The following MARCKS variants were observed in gnomAD, a reference collection of about 807,000 sequenced individuals.
The protein encoded by MARCKS is myristoylated alanine-rich C-kinase substrate.
Under a neutral mutation model 6.3 loss-of-function variants are expected in MARCKS, and 4 were observed. The ratio of observed to expected loss-of-function variants is 0.63; its 90% CI spans 0.31 to 1.45. MARCKS has a LOEUF of 1.45. Ranked by LOEUF, MARCKS falls within the 40% of genes most tolerant of loss-of-function variation. The pLI, the probability that MARCKS is intolerant of heterozygous loss-of-function variation, is 0.07. For missense variants in MARCKS, 636 were observed against 485.7 expected (o/e 1.31, Z -2.91); for synonymous variants, 289 against 236.5 (o/e 1.22, Z -2.04).
At position 113,859,638 on chromosome 6, in the gene MARCKS, C is replaced by T. The variant is rs763643494; in HGVS notation, c.103-45C>T. On this transcript the variant is annotated intron_variant, in intron 1 of 1. Coordinates refer to ENST00000612661, the MANE Select transcript of MARCKS (RefSeq NM_002356.7). ...CCAGGGCTGGGGGCGGGAATGGCGG[C>T]GCCCCGGCCGCTTCAGTGACGCTCC... 1.5e-5 allele frequency: 22 copies of T among 1,426,288 alleles called. No individual in the cohort carries two copies. The South Asian group carries it at 2.9e-4, about 19-fold the overall frequency. 88.4% of individuals were successfully genotyped at this position (1,426,288 alleles called of 1,614,324 possible). A position where few individuals can be genotyped will look rare whatever the true frequency, so the allele number is the denominator to read the frequency against.
In MARCKS at chr6:113,860,451, C is replaced by G; in HGVS notation, c.871C>G (p.Pro291Ala). 7.8e-7 allele frequency: 1 copy of G among 1,282,958 alleles called. No individual in the cohort carries two copies. The highest frequency in any genetic ancestry group is 1.6e-5 in the African/African-American group (1 of 63,098). The allele number at this position is 1,282,958 out of a possible 1,614,324, so 79.5% of individuals were successfully genotyped here. Residue 291 changes from proline (P) to alanine (A), a missense_variant, in exon 2 of 2, where the codon CCG becomes GCG. Coordinates refer to ENST00000612661, the MANE Select transcript of MARCKS (RefSeq NM_002356.7). ...APSAAGPGAP[P>A]EQEAAPAEEP... ...CTCCGCCGCCGGGCCCGGCGCGCCC[C>G]CGGAGCAGGAGGCAGCCCCCGCGGA...
In MARCKS at chr6:113,860,875, T is replaced by C. The variant is rs1156962466; in HGVS notation, c.*296T>C. 5.5e-6 allele frequency: 1 copy of C among 182,070 alleles called. No homozygotes were observed. Among genetic ancestry groups the C allele is most frequent in the African/African-American group, 2.4e-5 (1 of 42,390 alleles). 11.3% of individuals were successfully genotyped at this position (182,070 alleles called of 1,614,324 possible). ...TTTATTTTTTATTTTTTCGCATCAG[T>C]ATTAATGTTTTTGCATACTTTGCAT... On this transcript the variant is annotated 3_prime_UTR_variant, in exon 2 of 2. Transcript: ENST00000612661.
intron 1 of MARCKS, among the ~76,000 whole-genome samples, chr6:113,859,157 C>T (rs1774835872): frequency 6.6e-6 from 1 of 152,172 alleles, no homozygotes. Flanking sequence ...TCGGAGGGCC[C>T]CGCGCGGGCG....
chr6:113,858,973 C>T (rs1774831729), intron 1 of MARCKS, among the ~76,000 whole-genome samples: 1 of 152,184 alleles, frequency 6.6e-6, no homozygotes, highest in South Asian at 2.1e-4. Context: ...TGTTTGCGGA[C>T]TGTTGGGCTG....
At chr6:113,859,326 T>C (rs1370464945) in intron 1 of MARCKS, among the ~76,000 whole-genome samples, 2 of 152,246 alleles carry the variant, frequency 1.3e-5, no homozygotes, top group African/African-American at 4.8e-5. Flanking sequence ...AACTAGTCCC[T>C]GGCACCTTTT....
rs368658348 is a variant in MARCKS, at chr6:113,859,594, G to A, written c.103-89G>A. ...TCGATGGCCACAGGGGCCTTAGGGGGAAGCGGGGCACTCCCGGTCCAGGGC... is the reference window on the plus strand; with the variant it reads ...TCGATGGCCACAGGGGCCTTAGGGGAAAGCGGGGCACTCCCGGTCCAGGGC... On this transcript the variant is annotated intron_variant, in intron 1 of 1. Transcript: ENST00000612661. 11 of 1,195,126 alleles carry A rather than the reference G, an allele frequency of 9.2e-6. 1 individual carries two copies. The East Asian group carries it at 1.0e-4, about 11-fold the overall frequency. 74.0% of individuals were successfully genotyped at this position (1,195,126 alleles called of 1,614,324 possible).
rs1247569246 is a variant in MARCKS, at chr6:113,859,781, C to T, written c.201C>T (p.Ala67=). 5 of 1,440,838 alleles carry T rather than the reference C, an allele frequency of 3.5e-6. No homozygotes were observed. In the African/African-American group the frequency reaches 7.5e-5, roughly 22 times the overall value. The allele number at this position is 1,440,838 out of a possible 1,614,324, so 89.3% of individuals were successfully genotyped here. A position where few individuals can be genotyped will look rare whatever the true frequency, so the allele number is the denominator to read the frequency against. The change falls in exon 2 of 2, where the codon GCC becomes GCT. Residue 67 remains alanine (A), a synonymous_variant. Coordinates refer to ENST00000612661, the MANE Select transcript of MARCKS (RefSeq NM_002356.7). ...AGGCCAACGGCAGCGCCCCGGCCGCCGACAAGGAGGAGCCCGCGGCCGCCG... is the reference window on the plus strand; with the variant it reads ...AGGCCAACGGCAGCGCCCCGGCCGCTGACAAGGAGGAGCCCGCGGCCGCCG... The part of the protein sequence containing the change: ...ELQANGSAPA[A]DKEEPAAAGS...
In MARCKS at chr6:113,860,288, G is replaced by A; in HGVS notation, c.708G>A (p.Glu236=). 2.4e-6 allele frequency: 3 copies of A among 1,251,392 alleles called. No individual in the cohort carries two copies. The highest frequency in any genetic ancestry group is 3.1e-6 in the Non-Finnish European group (3 of 973,162). 77.5% of individuals were successfully genotyped at this position (1,251,392 alleles called of 1,614,324 possible). Residue 236 remains glutamate (E), a synonymous_variant, in exon 2 of 2, where the codon GAG becomes GAA. Transcript: ENST00000612661. ...EEGAAGGDPQ[E]AKPQEAAVAP... is the part of the protein sequence containing the mutation. ...GGGCGGCGGGTGGCGACCCGCAGGA[G>A]GCCAAGCCCCAGGAGGCCGCTGTCG...
Position 113,857,785 on chromosome 6 carries a change from G to A in MARCKS, c.40G>A (p.Ala14Thr), listed in dbSNP as rs1334832039. ...QFSKTAAKGE[A>T]AAERPGEAAV... ...CTCCAAGACCGCAGCGAAGGGAGAAGCCGCCGCGGAGAGGCCTGGGGAGGC... is the reference window on the plus strand; with the variant it reads ...CTCCAAGACCGCAGCGAAGGGAGAAACCGCCGCGGAGAGGCCTGGGGAGGC... The change falls in exon 1 of 2, where the codon GCC (alanine) becomes ACC (threonine). Residue 14 changes from alanine (A) to threonine (T), a missense_variant. Physicochemically the swap from Ala to Thr is moderately conservative, Grantham distance 58. Coordinates refer to ENST00000612661, the MANE Select transcript of MARCKS (RefSeq NM_002356.7). The A allele has an allele frequency of 6.2e-7, 1 of 1,609,414 alleles. No individual in the cohort carries two copies. Among genetic ancestry groups the A allele is most frequent in the African/African-American group, 1.3e-5 (1 of 74,836 alleles).
rs769611262 is a variant in MARCKS, at chr6:113,860,104, A to G, written c.524A>G (p.Lys175Arg). ...KLSGFSFKKN[K>R]KEAGEGGEAE... Reference sequence around the variant, plus strand: ...AGCGGCTTCTCCTTCAAGAAGAACAAGAAGGAGGCTGGAGAAGGCGGTGAG... The same window carrying G: ...AGCGGCTTCTCCTTCAAGAAGAACAGGAAGGAGGCTGGAGAAGGCGGTGAG... The change falls in exon 2 of 2, where the codon AAG (lysine) becomes AGG (arginine). Residue 175 changes from lysine (K) to arginine (R), a missense_variant. Physicochemically the swap from Lys to Arg is conservative, Grantham distance 26 (BLOSUM62 2). Transcript: ENST00000612661. The G allele has an allele frequency of 2.4e-5, 38 of 1,559,848 alleles. No individual in the cohort carries two copies. The highest frequency in any genetic ancestry group is 3.2e-5 in the Non-Finnish European group (37 of 1,152,730).
intron 1 of MARCKS, among the ~76,000 whole-genome samples, chr6:113,858,175 G>T (rs1304722400): frequency 6.6e-6 from 1 of 152,094 alleles, no homozygotes; most frequent in Non-Finnish European, 1.5e-5. Context: ...TTTGTGTTTG[G>T]GGGCACAATG....
Position 113,859,863 on chromosome 6 carries a change from G to GC in MARCKS, c.288dup (p.Glu97ArgfsTer87). On this transcript the variant is annotated frameshift_variant, in exon 2 of 2. Coordinates refer to ENST00000612661, the MANE Select transcript of MARCKS (RefSeq NM_002356.7). LOFTEE classifies it low-confidence loss of function (END_TRUNC). ...GAAAGGTGAGCCGGCCGCCGCCGCT[G>GC]CCCCCGAGGCCGGGGCCAGCCCGGT... 1 of 1,328,686 alleles carries GC rather than the reference G, an allele frequency of 7.5e-7. No individual in the cohort carries two copies. Among genetic ancestry groups the GC allele is most frequent in the Non-Finnish European group, 9.6e-7 (1 of 1,041,376 alleles). 82.3% of individuals were successfully genotyped at this position (1,328,686 alleles called of 1,614,324 possible).
rs745514148 is a variant in MARCKS at position 113,860,534 on chromosome 6, G to C, written c.954G>C (p.Gln318His). Residue 318 changes from glutamine to histidine, a missense_variant, in exon 2 of 2, where the codon CAG becomes CAC. Gln to His is a conservative substitution (Grantham distance 24, BLOSUM62 0). Transcript: ENST00000612661. ...SACAAPSQEAQPECSPEAPPA... is the reference protein window; with the variant it reads ...SACAAPSQEAHPECSPEAPPA... ...GCGCAGCCCCCTCACAGGAGGCCCA[G>C]CCCGAGTGCAGTCCAGAAGCCCCCC... is the stretch of plus-strand genomic sequence containing the variant. The C allele has an allele frequency of 2.3e-5, 36 of 1,560,584 alleles. No individual in the cohort carries two copies. The highest frequency in any genetic ancestry group is 3.0e-5 in the Non-Finnish European group (35 of 1,157,690).
chr6:113,859,617 G>C, intron 1 of MARCKS, 66 bp from the exon 2 acceptor site: 7 of 1,376,212 alleles, frequency 5.1e-6, no homozygotes, highest in Non-Finnish European at 6.7e-6. Flanking sequence ...CCCGGTCCAG[G>C]GCTGGGGGCG....
chr6:113,857,646 C>T lies in MARCKS; in HGVS notation c.-100C>T. 1 of 571,838 alleles carries T rather than the reference C, an allele frequency of 1.7e-6. No homozygotes were observed. The highest frequency in any genetic ancestry group is 2.8e-6 in the Non-Finnish European group (1 of 356,796). 35.4% of individuals were successfully genotyped at this position (571,838 alleles called of 1,614,324 possible). On this transcript the variant is annotated 5_prime_UTR_variant, in exon 1 of 2. Coordinates refer to ENST00000612661, the MANE Select transcript of MARCKS (RefSeq NM_002356.7). ...GTGTGTGTGCCGCTGCCGCTGTTGC[C>T]GCCGCCGCTGCTGCTGCTGCTCGCC...
intron 1 of MARCKS, 71 bp from the exon 2 acceptor site, chr6:113,859,612 T>C: frequency 7.5e-7 from 1 of 1,334,916 alleles, no homozygotes. Context: ...GCACTCCCGG[T>C]CCAGGGCTGG....
At chr6:113,857,898 C>T in intron 1 of MARCKS, 51 bp downstream of exon 1, 1 of 1,438,670 alleles carries the variant, frequency 7.0e-7, no homozygotes, top group South Asian at 1.2e-5. Flanking sequence ...TTCTCTCCTT[C>T]CCTCCTGGTG....
rs1774872728 is a variant in MARCKS at position 113,860,311 on chromosome 6, T to A, written c.731T>A (p.Val244Asp). ...GAGGCCAAGCCCCAGGAGGCCGCTGTCGCGCCAGAGAAGCCGCCCGCCAGC... is the reference window on the plus strand; with the variant it reads ...GAGGCCAAGCCCCAGGAGGCCGCTGACGCGCCAGAGAAGCCGCCCGCCAGC... ...PQEAKPQEAA[V>D]APEKPPASDE... Residue 244 changes from valine (V) to aspartate (D), a missense_variant, in exon 2 of 2, where the codon GTC becomes GAC. Physicochemically the swap from Val to Asp is radical, Grantham distance 152 (BLOSUM62 -3). Coordinates refer to ENST00000612661, the MANE Select transcript of MARCKS (RefSeq NM_002356.7). 3 of 1,289,946 alleles carry A rather than the reference T, an allele frequency of 2.3e-6. No homozygotes were observed. Among genetic ancestry groups the A allele is most frequent in the Non-Finnish European group, 3.0e-6 (3 of 993,280 alleles). The allele number at this position is 1,289,946 out of a possible 1,614,324, so 79.9% of individuals were successfully genotyped here.
intron 1 of MARCKS, among the ~76,000 whole-genome samples, chr6:113,858,631 T>C (rs572480034): frequency 6.6e-6 from 1 of 152,206 alleles, no homozygotes; most frequent in African/African-American, 2.4e-5. Context: ...CGCCCGGCGC[T>C]GCCCGGACCC....
Sources: gnomAD v4.1 joint callset for allele counts (sites outside exome capture counted in the v4.1 genomes callset) on GRCh38, gnomAD v4.1.1 for gene constraint, MANE v1.5 for transcripts, NCBI Gene and HGNC (gene_info 2026-07-23, HGNC 2026-07-21) for gene names.